The following CACNB2 variants were observed in gnomAD, a reference collection of about 807,000 sequenced individuals.
CACNB2 encodes calcium voltage-gated channel auxiliary subunit beta 2.
Under a neutral mutation model 73.3 loss-of-function variants are expected in CACNB2, and 42 were observed. The ratio of observed to expected loss-of-function variants is 0.57; its 90% CI spans 0.45 to 0.74. The LOEUF (loss-of-function observed/expected upper bound fraction) is 0.74, where lower values mean the gene tolerates loss of function less well. Among genes scored for constraint, CACNB2 ranks in the 30% least tolerant of loss-of-function variants. The pLI is 0.00. For synonymous variants in CACNB2, 348 were observed against 310.3 expected (o/e 1.12, Z -1.28); for missense variants, 940 against 853.0 (o/e 1.10, Z -1.27).
At chr10:18,201,845 A>G (rs774773278) in intron 2 of CACNB2, among the ~76,000 whole-genome samples, 1 of 152,180 alleles carries the variant, frequency 6.6e-6, no homozygotes, top group Non-Finnish European at 1.5e-5. Flanking sequence ...TCCTTTAACA[A>G]ATCTCTCCCT....
At chr10:18,449,170 G>C (rs1156261325) in intron 3 of CACNB2, among the ~76,000 whole-genome samples, 1 of 152,130 alleles carries the variant, frequency 6.6e-6, no homozygotes, top group Non-Finnish European at 1.5e-5. Flanking sequence ...GGATCACGAG[G>C]TGAGGAGATC....
At chr10:18,267,745 T>C (rs1009777762) in intron 2 of CACNB2, among the ~76,000 whole-genome samples, 4 of 152,234 alleles carry the variant, frequency 2.6e-5, no homozygotes, top group Admixed American at 2.6e-4. Flanking sequence ...TGTTGGTGCA[T>C]GTTCAGGGTC....
At chr10:18,218,602 C>T (rs1435202696) in intron 2 of CACNB2, among the ~76,000 whole-genome samples, 2 of 152,186 alleles carry the variant, frequency 1.3e-5, no homozygotes, top group Non-Finnish European at 2.9e-5. Context: ...TACTTCTGGG[C>T]AGGGCACAGT....
rs112054568 is a variant in CACNB2, at chr10:18,473,885, G to C, written c.334-24470G>C. ...CAGAACCAGGGCCAGGGTGTAACTG[G>C]ATTTAAGTGCCAGACAAGGAGCTAG... On this transcript the variant is annotated intron_variant, in intron 3 of 13. Transcript: ENST00000324631. 3.6e-3 allele frequency among the ~76,000 whole-genome samples: 546 copies of C among 152,262 alleles called. 3 individuals carry two copies. The highest frequency in any genetic ancestry group is 0.013 in the African/African-American group (522 of 41,544).
Position 18,467,509 on chromosome 10 carries a change from C to T in CACNB2, c.334-30846C>T, listed in dbSNP as rs536733744. Among the ~76,000 whole-genome samples the T allele has an allele frequency of 2.6e-5, 4 of 152,258 alleles. No homozygotes were observed. In the South Asian group the frequency reaches 8.3e-4, roughly 32 times the overall value. ...AATTTACAGTCTAGTAAGACTAGAC[C>T]TACGTAAAAGATACAGAGCAATGCA... On this transcript the variant is annotated intron_variant, in intron 3 of 13. Coordinates refer to ENST00000324631, the MANE Select transcript of CACNB2 (RefSeq NM_201596.3).
intron 7 of CACNB2, among the ~76,000 whole-genome samples, chr10:18,516,944 G>A (rs897073127): frequency 5.3e-5 from 8 of 151,930 alleles, no homozygotes; most frequent in African/African-American, 1.9e-4. Context: ...TCTTCCCTCT[G>A]ATTATATCGT....
At chr10:18,186,162 G>A (rs1052626462) in intron 2 of CACNB2, among the ~76,000 whole-genome samples, 1 of 152,162 alleles carries the variant, frequency 6.6e-6, no homozygotes, top group Non-Finnish European at 1.5e-5. Context: ...GCGCACACCT[G>A]TAATCCCAGC....
intron 2 of CACNB2, among the ~76,000 whole-genome samples, chr10:18,358,823 G>T (rs566383233): frequency 6.6e-6 from 1 of 152,180 alleles, no homozygotes; most frequent in East Asian, 1.9e-4. Flanking sequence ...AAATAACTTG[G>T]TTATTTATAG....
rs2047765380 is a variant in CACNB2 at position 18,464,468 on chromosome 10, C to G, written c.334-33887C>G. Among the ~76,000 whole-genome samples, 3 of 141,454 alleles carry G rather than the reference C, an allele frequency of 2.1e-5. No individual in the cohort carries two copies. The South Asian group carries it at 7.2e-4, about 34-fold the overall frequency. 92.8% of individuals were successfully genotyped at this position (141,454 alleles called of 152,430 possible). A position where few individuals can be genotyped will look rare whatever the true frequency, so the allele number is the denominator to read the frequency against. ...ATTTGGCTCTTTTCTCTTTACTTCT[C>G]ACTCTTAGATTCAATTTTTATTTCC... is the stretch of plus-strand genomic sequence containing the variant. On this transcript the variant is annotated intron_variant, in intron 3 of 13. Transcript: ENST00000324631.
intron 1 of CACNB2, among the ~76,000 whole-genome samples, chr10:18,142,557 A>G (rs1052537389): frequency 6.6e-6 from 1 of 152,214 alleles, no homozygotes; most frequent in Non-Finnish European, 1.5e-5. Context: ...AAAGGAAAGG[A>G]CATTTAGACC....
chr10:18,305,749 A>C (rs961947061), intron 2 of CACNB2, among the ~76,000 whole-genome samples: 12 of 152,324 alleles, frequency 7.9e-5, no homozygotes, highest in Non-Finnish European at 1.6e-4. Flanking sequence ...ACCCATCTGG[A>C]AGCCAGGTTA....
rs537630833 is a variant in CACNB2 at position 18,189,513 on chromosome 10, C to G, written c.213+38538C>G. Among the ~76,000 whole-genome samples the G allele has an allele frequency of 3.7e-3, 542 of 146,014 alleles. 6 individuals carry two copies. Among genetic ancestry groups the G allele is most frequent in the African/African-American group, 0.015 (520 of 35,614 alleles). ...CTTATTTTCCTGATTAAGTTGAATA[C>G]TGTGAACCCTTTTCTATTTTGTTCA... is the stretch of plus-strand genomic sequence containing the variant. On this transcript the variant is annotated intron_variant, in intron 2 of 13. Coordinates refer to ENST00000324631, the MANE Select transcript of CACNB2 (RefSeq NM_201596.3).
intron 6 of CACNB2, among the ~76,000 whole-genome samples, chr10:18,508,179 A>G (rs1046156832): frequency 1.3e-5 from 2 of 152,246 alleles, no homozygotes; most frequent in Non-Finnish European, 2.9e-5. Context: ...CTTTCAAGTG[A>G]GCAAAATCTG....
Position 18,539,624 on chromosome 10 carries a change from A to C in CACNB2, c.1883A>C (p.His628Pro). 6.2e-7 allele frequency: 1 copy of C among 1,613,846 alleles called. No homozygotes were observed. Among genetic ancestry groups the C allele is most frequent in the Non-Finnish European group, 8.5e-7 (1 of 1,179,850 alleles). Reference protein sequence around the residue: ...HNECNKQRSRHKSKDRYCEKD... With the variant: ...HNECNKQRSRPKSKDRYCEKD... The stretch of plus-strand genomic sequence containing the variant: ...GAGTGCAACAAGCAGCGCAGCCGTC[A>C]TAAATCCAAGGATCGCTACTGTGAA... The change falls in exon 14 of 14, where the codon CAT becomes CCT. Residue 628 changes from histidine (H) to proline (P), a missense_variant. Physicochemically the swap from His to Pro is moderately conservative, Grantham distance 77. Coordinates refer to ENST00000324631, the MANE Select transcript of CACNB2 (RefSeq NM_201596.3).
intron 2 of CACNB2, among the ~76,000 whole-genome samples, chr10:18,286,274 T>C (rs886912546): frequency 2.0e-5 from 3 of 152,112 alleles, no homozygotes; most frequent in Non-Finnish European, 4.4e-5. Context: ...CCCAGCACTT[T>C]GGGAGGCCAA....
At chr10:18,407,107 G>GTTTTTTTTTTTTTTTTTTTT in intron 3 of CACNB2, among the ~76,000 whole-genome samples, 1 of 49,564 alleles carries the variant, frequency 2.0e-5, no homozygotes, top group Non-Finnish European at 4.1e-5. Flanking sequence ...CTGCTGTTCT[G>GTTTTTTTTTTTTTTTTTTTT]TCTTTTTTTT....
chr10:18,151,149 A>G lies in CACNB2; in HGVS notation c.213+174A>G, dbSNP rs543948287. The G allele has an allele frequency of 8.5e-5, 48 of 562,592 alleles. No individual in the cohort carries two copies. The East Asian group carries it at 1.4e-3, about 16-fold the overall frequency. 34.9% of individuals were successfully genotyped at this position (562,592 alleles called of 1,614,324 possible). ...TTAAAATATTTTAATCTTAAGTGAG[A>G]CTAAGTAATAATTACACTCTTTCCT... On this transcript the variant is annotated intron_variant, in intron 2 of 13. Transcript: ENST00000324631.
chr10:18,536,580 T>G (rs1013114083), intron 12 of CACNB2, among the ~76,000 whole-genome samples: 17 of 152,054 alleles, frequency 1.1e-4, no homozygotes, highest in Non-Finnish European at 1.9e-4. Context: ...CATTATATTT[T>G]GAAAAAAACA....
intron 2 of CACNB2, among the ~76,000 whole-genome samples, chr10:18,167,935 C>A (rs1416203418): frequency 2.0e-5 from 3 of 152,156 alleles, no homozygotes; most frequent in African/African-American, 7.2e-5. Flanking sequence ...AGGTCACCCC[C>A]GACCCCAACC....
Sources: allele counts gnomAD v4.1 joint callset (sites outside exome capture counted in the v4.1 genomes callset), GRCh38; gene constraint gnomAD v4.1.1; transcripts MANE v1.5; gene names NCBI Gene and HGNC (gene_info 2026-07-23, HGNC 2026-07-21).